Variants in LMTK3 observed in about 807,000 individuals in gnomAD.
The protein encoded by LMTK3 is lemur tail kinase 3.
A neutral mutation model predicts 116.7 loss-of-function variants in LMTK3; 27 were observed. The ratio of observed to expected loss-of-function variants is 0.23; its 90% confidence interval spans 0.17 to 0.32. The LOEUF (loss-of-function observed/expected upper bound fraction) is 0.32. Ranked by LOEUF, LMTK3 falls within the 10% of genes least tolerant of loss-of-function variation. The pLI is 1.00. For synonymous variants in LMTK3, 965 were observed against 971.0 expected, an observed-to-expected ratio of 0.99 and a Z score of 0.11; for missense variants, 1,764 against 2,068.5, an observed-to-expected ratio of 0.85 and a Z score of 2.86.
In LMTK3 at chr19:48,497,673, G is replaced by A. The variant is rs1456529316; in HGVS notation, c.3396C>T (p.Asp1132=). Residue 1132 remains aspartate (D), a synonymous_variant, in exon 11 of 15, where the codon GAC becomes GAT. Transcript: ENST00000600059. This position sits in a 1 kb window ranked among gnomAD's most constrained non-coding sequence, Gnocchi z 5.7. Reference sequence around the variant, plus strand: ...TGTTGTCTACCCATCCGGCCTTTGCGTCCACGCCGCTTCCGGGGCCGCCGC... The same window carrying A: ...TGTTGTCTACCCATCCGGCCTTTGCATCCACGCCGCTTCCGGGGCCGCCGC... ...APGGGPGSGV[D]AKAGWVDNTR... 1 of 1,317,342 alleles carries A rather than the reference G, an allele frequency of 7.6e-7. No homozygotes were observed. The highest frequency in any genetic ancestry group is 9.6e-7 in the Non-Finnish European group (1 of 1,037,412). The allele number at this position is 1,317,342 out of a possible 1,614,324, so 81.6% of individuals were successfully genotyped here. A position where few individuals can be genotyped will look rare whatever the true frequency, so the allele number is the denominator to read the frequency against.
At chr19:48,509,355 G>T in intron 4 of LMTK3, 82 bp downstream of exon 4, 2 of 1,282,220 alleles carry the variant, frequency 1.6e-6, no homozygotes, top group Non-Finnish European at 2.2e-6. Flanking sequence ...GATGAGAAGT[G>T]GTGAGAGCAG....
In LMTK3 at chr19:48,498,399, C is replaced by T. The variant is rs1309911534; in HGVS notation, c.2670G>A (p.Ala890=). The change falls in exon 11 of 15, where the codon GCG becomes GCA. Residue 890 remains alanine, a synonymous_variant. Coordinates refer to ENST00000600059, the MANE Select transcript of LMTK3 (RefSeq NM_001388485.1). ...TCTCTCTGTTCCCGGGGCCTCTCCC[C>T]GCCTTCCTGGGTCCTGTCTCCCGGG... ...ATARETGPRK[A]GRGPGNREKV... The T allele has an allele frequency of 1.2e-6, 2 of 1,611,364 alleles. No homozygotes were observed. The highest frequency in any genetic ancestry group is 1.7e-6 in the Non-Finnish European group (2 of 1,179,030).
Position 48,498,962 on chromosome 19 carries a change from G to A in LMTK3, c.2107C>T (p.Pro703Ser), listed in dbSNP as rs1395297886. Residue 703 changes from proline to serine, a missense_variant, in exon 11 of 15, where the codon CCC (proline) becomes TCC (serine). Transcript: ENST00000600059. ...GGHPALGCPHPPEDDSSLRAE... is the reference protein window; with the variant it reads ...GGHPALGCPHSPEDDSSLRAE... Reference sequence around the variant, plus strand: ...CGCAGCGAGGAGTCGTCCTCGGGGGGGTGGGGGCAGCCAAGAGCAGGGTGG... The same window carrying A: ...CGCAGCGAGGAGTCGTCCTCGGGGGAGTGGGGGCAGCCAAGAGCAGGGTGG... 3.0e-6 allele frequency: 4 copies of A among 1,329,394 alleles called. No homozygotes were observed. Among genetic ancestry groups the A allele is most frequent in the East Asian group, 3.1e-5 (1 of 32,530 alleles). The allele number at this position is 1,329,394 out of a possible 1,614,324, so 82.3% of individuals were successfully genotyped here.
At chr19:48,495,464 A>AC (rs1317481498) in intron 11 of LMTK3, among the ~76,000 whole-genome samples, 1 of 151,814 alleles carries the variant, frequency 6.6e-6, no homozygotes, top group African/African-American at 2.4e-5. Context: ...GCCTCTTTTC[A>AC]CCCCCCAATC....
At position 48,508,832 on chromosome 19, in the gene LMTK3, A is replaced by G; in HGVS notation, c.557+19T>C. On this transcript the variant is annotated intron_variant, in intron 5 of 14. Transcript: ENST00000600059. The stretch of plus-strand genomic sequence containing the variant: ...TGTCACCTCAACAAGGCACACACCC[A>G]CTGAGAAACCCTCAGTACCTGTACG... 6.3e-7 allele frequency: 1 copy of G among 1,586,234 alleles called. No homozygotes were observed. Among genetic ancestry groups the G allele is most frequent in the East Asian group, 2.2e-5 (1 of 44,754 alleles).
chr19:48,498,169 G>A lies in LMTK3; in HGVS notation c.2900C>T (p.Pro967Leu). The A allele has an allele frequency of 1.9e-6, 3 of 1,613,536 alleles. No individual in the cohort carries two copies. Reference sequence around the variant, plus strand: ...CTCCAGCGCTTTCTCCTCCCTCCTTGGGGGTGTCAGCTCCCCATTCTCCAG... The same window carrying A: ...CTCCAGCGCTTTCTCCTCCCTCCTTAGGGGTGTCAGCTCCCCATTCTCCAG... ...KVLENGELTP[P>L]RREEKALENG... The change falls in exon 11 of 15, where the codon CCA (proline) becomes CTA (leucine). Residue 967 changes from proline to leucine, a missense_variant. Physicochemically the swap from Pro to Leu is moderately conservative, Grantham distance 98 (BLOSUM62 -3). This residue lies in a region of LMTK3 where 1,028 missense variants were observed against 1,050.6 expected (regional missense o/e 0.98). Coordinates refer to ENST00000600059, the MANE Select transcript of LMTK3 (RefSeq NM_001388485.1).
rs747964179 is a variant in LMTK3, at chr19:48,501,288, G to A, written c.996C>T (p.Asn332=). ...CCGCGGCCCGTGGTCCTCACCAGAT[G>A]TTGCTCTCGCGGCTCTGGTCCACCA... ...FMVVDQSRES[N]IWSLGVTLWE... Residue 332 remains asparagine, a synonymous_variant, in exon 9 of 15, where the codon AAC becomes AAT. Transcript: ENST00000600059. 116 of 1,613,446 alleles carry A rather than the reference G, an allele frequency of 7.2e-5. No homozygotes were observed. Among genetic ancestry groups the A allele is most frequent in the Non-Finnish European group, 9.5e-5 (112 of 1,179,738 alleles).
At position 48,498,506 on chromosome 19, in the gene LMTK3, C is replaced by T. The variant is rs781416673; in HGVS notation, c.2563G>A (p.Val855Ile). 6.3e-7 allele frequency: 1 copy of T among 1,590,174 alleles called. No homozygotes were observed. Among genetic ancestry groups the T allele is most frequent in the South Asian group, 1.1e-5 (1 of 88,318 alleles). ...AGCAGCTGTTCCGTGCTCACTTGAA[C>T]CACGAAGGTCGGCTTCTCCCGGGGC... ...PGPREKPTFV[V>I]QVSTEQLLMS... is the part of the protein sequence containing the mutation. The change falls in exon 11 of 15, where the codon GTT becomes ATT. Residue 855 changes from valine to isoleucine, a missense_variant. Transcript: ENST00000600059.
chr19:48,507,380 A>G (rs1324701130), intron 5 of LMTK3, among the ~76,000 whole-genome samples: 3 of 152,148 alleles, frequency 2.0e-5, no homozygotes, highest in Non-Finnish European at 4.4e-5. Context: ...GCAAACGTCT[A>G]CTGAGAGCCA....
upstream of LMTK3, among the ~76,000 whole-genome samples, chr19:48,512,924 A>T (rs909676095): frequency 3.9e-5 from 6 of 152,224 alleles, no homozygotes; most frequent in Non-Finnish European, 2.9e-5. Context: ...ATACACAGAC[A>T]CACAGAGTTG....
At chr19:48,510,287 C>A in intron 2 of LMTK3, 114 bp from the exon 3 acceptor site, 2 of 1,419,934 alleles carry the variant, frequency 1.4e-6, no homozygotes, top group Non-Finnish European at 1.9e-6. Flanking sequence ...CCAGTCCCAG[C>A]CCAATTTCCA....
rs941243018 is a variant in LMTK3 at position 48,500,434 on chromosome 19, AAG to A, written c.1152-519_1152-518del. Among the ~76,000 whole-genome samples, 1 of 142,924 alleles carries A rather than the reference AAG, an allele frequency of 7.0e-6. No homozygotes were observed. The highest frequency in any genetic ancestry group is 7.1e-5 in the Admixed American group (1 of 14,180). The allele number at this position is 142,924 out of a possible 152,430, so 93.8% of individuals were successfully genotyped here. On this transcript the variant is annotated intron_variant, in intron 10 of 14. Transcript: ENST00000600059. This position sits in a 1 kb window ranked among gnomAD's most constrained non-coding sequence, Gnocchi z 4.0. ...AGCAAAAATCTGCCAAAAAAAAAGA[AAG>A]AGAGAGAGGGACAGAGACCCAGAGA...
chr19:48,510,058 G>T lies in LMTK3; in HGVS notation c.326C>A (p.Ser109Tyr). 1 of 1,613,976 alleles carries T rather than the reference G, an allele frequency of 6.2e-7. No homozygotes were observed. Among genetic ancestry groups the T allele is most frequent in the South Asian group, 1.1e-5 (1 of 91,074 alleles). Reference sequence around the variant, plus strand: ...AGGCTGCGGGGCAGGCATTGGCAGGGAGACCTCAGCCAGCGGGAGAATGTA... The same window carrying T: ...AGGCTGCGGGGCAGGCATTGGCAGGTAGACCTCAGCCAGCGGGAGAATGTA... ...DVYILPLAEV[S>Y]LPMPAPQPSH... The change falls in exon 3 of 15, where the codon TCC becomes TAC. Residue 109 changes from serine (S) to tyrosine (Y), a missense_variant. By Grantham distance (144) the Ser-to-Tyr change is moderately radical (BLOSUM62 -2). This residue lies in a region of LMTK3 where 271 missense variants were observed against 478.2 expected (regional missense o/e 0.57). Coordinates refer to ENST00000600059, the MANE Select transcript of LMTK3 (RefSeq NM_001388485.1).
chr19:48,491,100 T>C lies in LMTK3; in HGVS notation c.4366+8A>G. On this transcript the variant is annotated splice_region_variant and intron_variant, in intron 14 of 14. Coordinates refer to ENST00000600059, the MANE Select transcript of LMTK3 (RefSeq NM_001388485.1). The surrounding 1 kb of genome is among the most constrained non-coding windows in gnomAD (Gnocchi z 5.1). ...GCAGAGGAGGGGGCAGGGCCGAGGATATGGTACCTGCGGGCCGGGCGTCGG... is the reference window on the plus strand; with the variant it reads ...GCAGAGGAGGGGGCAGGGCCGAGGACATGGTACCTGCGGGCCGGGCGTCGG... The C allele has an allele frequency of 7.4e-7, 1 of 1,360,510 alleles. No individual in the cohort carries two copies. The highest frequency in any genetic ancestry group is 9.5e-7 in the Non-Finnish European group (1 of 1,057,516). 84.3% of individuals were successfully genotyped at this position (1,360,510 alleles called of 1,614,324 possible).
rs1207390845 is a variant in LMTK3 at position 48,485,772 on chromosome 19, A to G, written c.*1T>C. On this transcript the variant is annotated 3_prime_UTR_variant, in exon 15 of 15. Coordinates refer to ENST00000600059, the MANE Select transcript of LMTK3 (RefSeq NM_001388485.1). The stretch of plus-strand genomic sequence containing the variant: ...TGCAGCGGGGTCGGGTCTTCGGGGA[A>G]TCAATTCTCCACGGGGCCTGAGGAT... The G allele has an allele frequency of 2.5e-6, 4 of 1,610,820 alleles. No homozygotes were observed. The highest frequency in any genetic ancestry group is 1.3e-5 in the African/African-American group (1 of 74,812).
Position 48,494,276 on chromosome 19 carries a change from C to T in LMTK3, c.3677-167G>A, listed in dbSNP as rs1972285232. Among the ~76,000 whole-genome samples the T allele has an allele frequency of 6.6e-6, 1 of 152,208 alleles. No homozygotes were observed. Among genetic ancestry groups the T allele is most frequent in the African/African-American group, 2.4e-5 (1 of 41,450 alleles). On this transcript the variant is annotated intron_variant, in intron 11 of 14. Transcript: ENST00000600059. This position sits in a 1 kb window ranked among gnomAD's most constrained non-coding sequence, Gnocchi z 4.0. Reference sequence around the variant, plus strand: ...CTTCTCCAGGCAGGGTGGGAAAGGTCCTCTCCAGTGCTCAACCTCCCCAGA... The same window carrying T: ...CTTCTCCAGGCAGGGTGGGAAAGGTTCTCTCCAGTGCTCAACCTCCCCAGA...
At position 48,500,010 on chromosome 19, in the gene LMTK3, G is replaced by C; in HGVS notation, c.1152-93C>G. The C allele has an allele frequency of 7.9e-7, 1 of 1,268,450 alleles. No homozygotes were observed. 78.6% of individuals were successfully genotyped at this position (1,268,450 alleles called of 1,614,324 possible). On this transcript the variant is annotated intron_variant, in intron 10 of 14. Coordinates refer to ENST00000600059, the MANE Select transcript of LMTK3 (RefSeq NM_001388485.1). This position sits in a 1 kb window ranked among gnomAD's most constrained non-coding sequence, Gnocchi z 4.0. Reference sequence around the variant, plus strand: ...ACAGACAACCAGAGAGAGGGGGACAGAGACCCAGAGGGTAACAGAGACCCA... The same window carrying C: ...ACAGACAACCAGAGAGAGGGGGACACAGACCCAGAGGGTAACAGAGACCCA...
In LMTK3 at chr19:48,501,277, C is replaced by T. The variant is rs773013234; in HGVS notation, c.1001+6G>A. 3.1e-6 allele frequency: 5 copies of T among 1,613,336 alleles called. No homozygotes were observed. Among genetic ancestry groups the T allele is most frequent in the Non-Finnish European group, 4.2e-6 (5 of 1,179,582 alleles). On this transcript the variant is annotated splice_donor_region_variant and intron_variant, in intron 9 of 14. Coordinates refer to ENST00000600059, the MANE Select transcript of LMTK3 (RefSeq NM_001388485.1). ...TGCCTCGGCCCCCGCGGCCCGTGGT[C>T]CTCACCAGATGTTGCTCTCGCGGCT...
chr19:48,489,014 C>T (rs1056134775), intron 14 of LMTK3, among the ~76,000 whole-genome samples: 2 of 152,170 alleles, frequency 1.3e-5, no homozygotes, highest in East Asian at 3.9e-4. Flanking sequence ...GCTGGGCTTA[C>T]AGGCGTAAGC....
Sources: gnomAD v4.1 joint callset for allele counts (sites outside exome capture counted in the v4.1 genomes callset) on GRCh38, gnomAD v4.1.1 for gene constraint, gnomAD v4.1.1 regional missense constraint, Gnocchi (gnomAD v3.1) non-coding constraint, MANE v1.5 for transcripts, NCBI Gene and HGNC (gene_info 2026-07-23, HGNC 2026-07-21) for gene names.